Variants in GULP1 observed in about 807,000 individuals in gnomAD.
GULP1 encodes the protein GULP PTB domain containing engulfment adaptor 1, also known as PTB domain-containing engulfment adapter protein 1.
A neutral mutation model predicts 40.9 loss-of-function variants in GULP1; 19 were observed. That is an observed-to-expected ratio of 0.46 (90% CI 0.32 to 0.68). The LOEUF (loss-of-function observed/expected upper bound fraction) is 0.68. Among genes scored for constraint, GULP1 ranks in the 30% least tolerant of loss-of-function variants. The pLI is 0.03. For synonymous variants in GULP1, 119 were observed against 117.6 expected (o/e 1.01, Z -0.08); for missense variants, 312 against 362.2 (o/e 0.86, Z 1.12).
chr2:188,545,259 C>T lies in GULP1; in HGVS notation c.399+3941C>T, dbSNP rs373388116. Among the ~76,000 whole-genome samples the T allele has an allele frequency of 2.1e-4, 31 of 147,486 alleles. 1 individual carries two copies. Among genetic ancestry groups the T allele is most frequent in the African/African-American group, 7.5e-4 (30 of 40,088 alleles). On this transcript the variant is annotated intron_variant, in intron 7 of 11. Transcript: ENST00000409830. ...GGAAGTTCTCTAAATGGAAAGGAAA[C>T]AATACAAAATGGGAACTTGGAGTAT...
intron 1 of GULP1, among the ~76,000 whole-genome samples, chr2:188,336,682 A>T (rs1021706620): frequency 1.3e-5 from 2 of 152,172 alleles, no homozygotes; most frequent in East Asian, 3.9e-4. Flanking sequence ...GGTATCTGAG[A>T]ACAAAGCAAT....
intron 3 of GULP1, among the ~76,000 whole-genome samples, chr2:188,478,526 A>G (rs2061210683): frequency 6.6e-6 from 1 of 152,090 alleles, no homozygotes; most frequent in Non-Finnish European, 1.5e-5. Context: ...TTCATAGGTG[A>G]TTGAAAGCAA....
intron 2 of GULP1, among the ~76,000 whole-genome samples, chr2:188,432,173 G>A (rs755902468): frequency 6.6e-5 from 10 of 151,442 alleles, no homozygotes; most frequent in Non-Finnish European, 1.0e-4. Context: ...AAATATCTTC[G>A]TATGTATTTT....
At chr2:188,339,225 A>G (rs1466259438) in intron 1 of GULP1, among the ~76,000 whole-genome samples, 1 of 152,220 alleles carries the variant, frequency 6.6e-6, no homozygotes, top group African/African-American at 2.4e-5. Flanking sequence ...TTAAAAGCAG[A>G]TATTTGACTT....
At chr2:188,402,647 C>T (rs185147232) in intron 2 of GULP1, among the ~76,000 whole-genome samples, 1 of 152,066 alleles carries the variant, frequency 6.6e-6, no homozygotes, top group East Asian at 1.9e-4. Flanking sequence ...ATGACTTTCT[C>T]TATACAAAAT....
intron 11 of GULP1, chr2:188,593,346 T>C (rs1445830025): frequency 2.6e-5 from 4 of 152,024 alleles, no homozygotes; most frequent in African/African-American, 9.7e-5. Flanking sequence ...ACTTAACTTC[T>C]AAAATATGCA....
At chr2:188,592,824 G>C (rs2153478261) in intron 11 of GULP1, 1 of 152,144 alleles carries the variant, frequency 6.6e-6, no homozygotes, top group East Asian at 1.9e-4. Flanking sequence ...TAACATACAA[G>C]TAGATATAGT....
At chr2:188,331,632 G>A (rs960432204) in intron 1 of GULP1, among the ~76,000 whole-genome samples, 6 of 152,090 alleles carry the variant, frequency 3.9e-5, no homozygotes, top group African/African-American at 1.4e-4. Context: ...TTGTGGATTG[G>A]AAAATTCTGT....
chr2:188,372,014 A>G (rs1325779116), intron 1 of GULP1, among the ~76,000 whole-genome samples: 3 of 151,950 alleles, frequency 2.0e-5, no homozygotes, highest in African/African-American at 7.3e-5. Flanking sequence ...GATTTTTCCA[A>G]TGCCTCAAAC....
At chr2:188,562,875 C>T (rs1696668923) in intron 7 of GULP1, among the ~76,000 whole-genome samples, 1 of 152,014 alleles carries the variant, frequency 6.6e-6, no homozygotes, top group Admixed American at 6.6e-5. Context: ...ATATTTGGCC[C>T]ACATATTTAG....
intron 2 of GULP1, among the ~76,000 whole-genome samples, chr2:188,431,313 G>C (rs978319848): frequency 1.3e-5 from 2 of 152,040 alleles, no homozygotes; most frequent in African/African-American, 4.8e-5. Context: ...AGTGTTACAG[G>C]AGCCAACAAA....
At chr2:188,311,317 C>G (rs1574311131) in intron 1 of GULP1, among the ~76,000 whole-genome samples, 2 of 152,286 alleles carry the variant, frequency 1.3e-5, no homozygotes, top group African/African-American at 4.8e-5. Context: ...CTGCCTCAGC[C>G]TCCCGAGTAG....
chr2:188,516,673 T>C (rs1353253027), intron 4 of GULP1, among the ~76,000 whole-genome samples: 1 of 152,186 alleles, frequency 6.6e-6, no homozygotes, highest in Non-Finnish European at 1.5e-5. Context: ...ATATTAAATC[T>C]GATTGCTGGG....
chr2:188,524,785 C>G (rs532548408), intron 5 of GULP1, among the ~76,000 whole-genome samples: 1 of 151,418 alleles, frequency 6.6e-6, no homozygotes, highest in East Asian at 1.9e-4. Flanking sequence ...TTACACATCT[C>G]CATTTTAATT....
chr2:188,494,072 A>T (rs1216718416), intron 4 of GULP1, among the ~76,000 whole-genome samples: 1 of 152,074 alleles, frequency 6.6e-6, no homozygotes, highest in African/African-American at 2.4e-5. Flanking sequence ...GACTTAACCC[A>T]TGTGACATAA....
At chr2:188,556,091 A>G (rs1017636866) in intron 7 of GULP1, among the ~76,000 whole-genome samples, 2 of 151,936 alleles carry the variant, frequency 1.3e-5, no homozygotes, top group Non-Finnish European at 2.9e-5. Flanking sequence ...AGAAAAAAAA[A>G]GAAGGTTTTC....
chr2:188,587,790 G>A (rs1398214634), intron 10 of GULP1, 65 bp from the exon 11 acceptor site: 1 of 859,860 alleles, frequency 1.2e-6, no homozygotes, highest in African/African-American at 1.7e-5. Context: ...TCCTGCCTTT[G>A]AAATCTAACT....
chr2:188,347,586 A>G (rs1286128044), intron 1 of GULP1, among the ~76,000 whole-genome samples: 1 of 151,360 alleles, frequency 6.6e-6, no homozygotes, highest in Non-Finnish European at 1.5e-5. Flanking sequence ...GTGTAGTTTC[A>G]GCTTCTAGTC....
intron 2 of GULP1, among the ~76,000 whole-genome samples, chr2:188,463,757 C>A (rs1402818760): frequency 6.6e-6 from 1 of 151,898 alleles, no homozygotes; most frequent in Non-Finnish European, 1.5e-5. Flanking sequence ...CCCACTAATT[C>A]TTTCCTCTGC....
Sources: allele counts gnomAD v4.1 joint callset (sites outside exome capture counted in the v4.1 genomes callset), GRCh38; gene constraint gnomAD v4.1.1; transcripts MANE v1.5; gene names NCBI Gene and HGNC (gene_info 2026-07-23, HGNC 2026-07-21).